SCARB2: variants seen among roughly 807,000 people sequenced by gnomAD.
SCARB2 encodes the protein scavenger receptor class B member 2.
In SCARB2, 29 loss-of-function variants were observed where a neutral mutation model predicts 58.6. The ratio of observed to expected loss-of-function variants is 0.49; its 90% CI spans 0.37 to 0.67. The LOEUF is 0.67. SCARB2 is among the 30% of genes least tolerant of loss of function. The probability of loss-of-function intolerance (pLI) is 0.00; values close to 1 mark genes in which losing one functional copy is unlikely to be tolerated. For synonymous variants in SCARB2, 195 were observed against 210.1 expected (o/e 0.93, Z 0.62); for missense variants, 488 against 578.5 (o/e 0.84, Z 1.60).
intron 1 of SCARB2, among the ~76,000 whole-genome samples, chr4:76,230,926 G>A (rs1032775817): frequency 1.2e-4 from 18 of 152,158 alleles, no homozygotes; most frequent in Non-Finnish European, 2.4e-4. Flanking sequence ...AATCAGCCAC[G>A]ATCACCTGTG....
In SCARB2 at chr4:76,160,753, T is replaced by TA. The variant is rs1731879312; in HGVS notation, c.*959dup. 6.6e-6 allele frequency: 1 copy of TA among 152,218 alleles called. No homozygotes were observed. The highest frequency in any genetic ancestry group is 6.5e-5 in the Admixed American group (1 of 15,284). 9.4% of individuals were successfully genotyped at this position (152,218 alleles called of 1,614,324 possible). A position where few individuals can be genotyped will look rare whatever the true frequency, so the allele number is the denominator to read the frequency against. The stretch of plus-strand genomic sequence containing the variant: ...TGAAACTTATGTGTAACTTAGGCTG[T>TA]AGATAGATGGATTTCCCATATTCAT... On this transcript the variant is annotated 3_prime_UTR_variant, in exon 12 of 12. Transcript: ENST00000264896.
chr4:76,223,502 T>G (rs1019352560), intron 1 of SCARB2, among the ~76,000 whole-genome samples: 1 of 152,164 alleles, frequency 6.6e-6, no homozygotes, highest in Admixed American at 6.5e-5. Flanking sequence ...ATCACAATAT[T>G]ATCACAGTTG....
chr4:76,213,018 CTTCAAAGGCTACAGCAAGCAGA>C (rs1396145161), intron 1 of SCARB2: 2 of 294,596 alleles, frequency 6.8e-6, no homozygotes, highest in Non-Finnish European at 1.3e-5. Flanking sequence ...GCGCACACCA[CTTCAAAGGCTACAGCAAGCAGA>C]CAACATAACC....
At chr4:76,166,693 G>A (rs950553696) in intron 9 of SCARB2, 1 of 292,888 alleles carries the variant, frequency 3.4e-6, no homozygotes, top group Non-Finnish European at 6.6e-6. Flanking sequence ...TCTGTGCTGG[G>A]TGTTTTTGGG....
chr4:76,168,515 A>C (rs1348578110), intron 8 of SCARB2, 39 bp from the exon 9 acceptor site: 2 of 1,565,890 alleles, frequency 1.3e-6, no homozygotes, highest in Admixed American at 1.7e-5. Context: ...ATTAGGATTT[A>C]TTAAACTGCA....
At chr4:76,173,328 CTT>C (rs3064566) in intron 7 of SCARB2, 95,686 of 145,600 alleles carry the variant, frequency 0.66, 33,205 homozygotes, top group Non-Finnish European at 0.79. Context: ...TTTCTTTTAG[CTT>C]TTTTTTTTTT....
chr4:76,227,549 T>A (rs917054152), intron 1 of SCARB2, among the ~76,000 whole-genome samples: 2 of 152,138 alleles, frequency 1.3e-5, no homozygotes, highest in African/African-American at 4.8e-5. Flanking sequence ...AATATCTATC[T>A]GGGGTATAGT....
chr4:76,222,947 C>T (rs1281296392), intron 1 of SCARB2, among the ~76,000 whole-genome samples: 1 of 152,112 alleles, frequency 6.6e-6, no homozygotes, highest in African/African-American at 2.4e-5. Context: ...GGTGAAGCCT[C>T]GTGCATGGGA....
intron 1 of SCARB2, among the ~76,000 whole-genome samples, chr4:76,227,913 G>A (rs1021462845): frequency 3.3e-5 from 5 of 152,096 alleles, no homozygotes; most frequent in Non-Finnish European, 4.4e-5. Context: ...TTAAGTTTAC[G>A]TGATTTCTTA....
chr4:76,185,724 A>G (rs1732472818), intron 2 of SCARB2, among the ~76,000 whole-genome samples: 1 of 152,250 alleles, frequency 6.6e-6, no homozygotes, highest in Non-Finnish European at 1.5e-5. Context: ...TAGTATCGTT[A>G]TCTTTCAGTC....
chr4:76,179,344 G>A (rs1199149265), intron 4 of SCARB2, 173 bp downstream of exon 4: 9 of 611,074 alleles, frequency 1.5e-5, no homozygotes, highest in East Asian at 2.8e-5. Flanking sequence ...ATTAGCCACC[G>A]CACCCGGCCT....
At chr4:76,208,539 A>G (rs1321346528) in intron 1 of SCARB2, among the ~76,000 whole-genome samples, 2 of 152,202 alleles carry the variant, frequency 1.3e-5, no homozygotes, top group Admixed American at 6.5e-5. Flanking sequence ...GGCGGGGCTG[A>G]GCAAGCCCGG....
intron 1 of SCARB2, among the ~76,000 whole-genome samples, chr4:76,200,032 A>G (rs928464871): frequency 2.0e-5 from 3 of 152,178 alleles, no homozygotes; most frequent in African/African-American, 7.2e-5. Context: ...AACAAATAAT[A>G]ACCTCAGCCT....
At chr4:76,225,035 A>G (rs1173505923) in intron 1 of SCARB2, among the ~76,000 whole-genome samples, 1 of 152,096 alleles carries the variant, frequency 6.6e-6, no homozygotes, top group Non-Finnish European at 1.5e-5. Context: ...GAGAAGATAC[A>G]ATGTTTGGTT....
intron 5 of SCARB2, 197 bp from the exon 6 acceptor site, chr4:76,176,107 A>G: frequency 1.5e-6 from 1 of 668,430 alleles, no homozygotes; most frequent in Non-Finnish European, 2.5e-6. Flanking sequence ...CATAGAGGCA[A>G]TGGCCAAATA....
At chr4:76,192,561 G>A (rs1246051646) in intron 2 of SCARB2, 2 of 152,124 alleles carry the variant, frequency 1.3e-5, no homozygotes, top group Non-Finnish European at 2.9e-5. Flanking sequence ...ATGACTTAAA[G>A]TTGGACCTTA....
At chr4:76,206,062 G>C (rs889759023) in intron 1 of SCARB2, among the ~76,000 whole-genome samples, 5 of 152,082 alleles carry the variant, frequency 3.3e-5, no homozygotes, top group Non-Finnish European at 7.4e-5. Flanking sequence ...ATTAGGTCAC[G>C]AGCGTAGAAC....
intron 1 of SCARB2, among the ~76,000 whole-genome samples, chr4:76,199,675 CA>C (rs1420882431): frequency 3.9e-5 from 6 of 152,170 alleles, no homozygotes; most frequent in Non-Finnish European, 8.8e-5. Flanking sequence ...ATGGAGAAGC[CA>C]TAAGTTGGAC....
At chr4:76,204,077 T>C (rs1284511062) in intron 1 of SCARB2, among the ~76,000 whole-genome samples, 5 of 152,170 alleles carry the variant, frequency 3.3e-5, no homozygotes, top group Non-Finnish European at 5.9e-5. Context: ...CTTGCCCTAA[T>C]TGTGTATGGA....
Sources: gnomAD v4.1 joint callset for allele counts (sites outside exome capture counted in the v4.1 genomes callset) on GRCh38, gnomAD v4.1.1 for gene constraint, MANE v1.5 for transcripts, NCBI Gene and HGNC (gene_info 2026-07-23, HGNC 2026-07-21) for gene names.